AGBL1: variants seen among roughly 807,000 people sequenced by gnomAD.
AGBL1 encodes the protein cytosolic carboxypeptidase 4.
AGBL1 carries 130 observed loss-of-function variants against 118.9 expected under a neutral mutation model. That is an observed-to-expected ratio of 1.09 (90% CI 0.95 to 1.26). The LOEUF is 1.26. Among genes scored for constraint, AGBL1 ranks in the 50% most tolerant of loss-of-function variants. The probability of loss-of-function intolerance (pLI) is 0.00; values close to 1 mark genes in which losing one functional copy is unlikely to be tolerated. For missense variants in AGBL1, 1,584 were observed against 1,298.1 expected (o/e 1.22, Z -3.38); for synonymous variants, 555 against 478.9 (o/e 1.16, Z -2.08).
chr15:86,306,679 T>A (rs1488805644), intron 17 of AGBL1, among the ~76,000 whole-genome samples: 1 of 152,148 alleles, frequency 6.6e-6, no homozygotes. Context: ...TGAGTATATA[T>A]CCAGCAGTGG....
rs115431557 is a variant in AGBL1 at position 86,462,818 on chromosome 15, A to G, written c.2556-59992A>G. On this transcript the variant is annotated intron_variant, in intron 18 of 22. Coordinates refer to ENST00000614907, the MANE Select transcript of AGBL1 (RefSeq NM_001386094.1). Reference sequence around the variant, plus strand: ...CATGGTGTATATGCACCACATTTTCACATTTTCTTTATCCAGTCTAACATT... The same window carrying G: ...CATGGTGTATATGCACCACATTTTCGCATTTTCTTTATCCAGTCTAACATT... 5.9e-3 allele frequency among the ~76,000 whole-genome samples: 896 copies of G among 152,126 alleles called. 8 individuals are homozygous for G. Among genetic ancestry groups the G allele is most frequent in the African/African-American group, 0.02 (848 of 41,514 alleles).
At chr15:86,413,659 T>C (rs1157423786) in intron 18 of AGBL1, among the ~76,000 whole-genome samples, 1 of 152,148 alleles carries the variant, frequency 6.6e-6, no homozygotes, top group Non-Finnish European at 1.5e-5. Flanking sequence ...TTGTGGGACA[T>C]TTGTATATCT....
chr15:86,556,906 TC>T (rs1043031241), intron 21 of AGBL1, among the ~76,000 whole-genome samples: 1 of 152,124 alleles, frequency 6.6e-6, no homozygotes, highest in African/African-American at 2.4e-5. Context: ...CAATCATTTC[TC>T]CCCCAGCACA....
intron 22 of AGBL1, among the ~76,000 whole-genome samples, chr15:86,713,160 T>G (rs1447213300): frequency 6.6e-6 from 1 of 152,162 alleles, no homozygotes; most frequent in Non-Finnish European, 1.5e-5. Context: ...TTTCTCCTTT[T>G]CTTCCACTGA....
At chr15:86,714,885 G>C (rs1425801273) in intron 22 of AGBL1, among the ~76,000 whole-genome samples, 1 of 152,180 alleles carries the variant, frequency 6.6e-6, no homozygotes, top group East Asian at 1.9e-4. Context: ...ATGTCTCCCA[G>C]CAGGCATGCA....
In AGBL1 at chr15:86,267,049, A is replaced by G. The variant is rs2079086203; in HGVS notation, c.1811A>G (p.Asn604Ser). Reference protein sequence around the residue: ...LRFFSKFESGNLRKAIQVREF... With the variant: ...LRFFSKFESGSLRKAIQVREF... Reference sequence around the variant, plus strand: ...TTCTTCTCCAAATTTGAGTCAGGAAATCTTCGCAAAGCCATCCAAGTGCGT... The same window carrying G: ...TTCTTCTCCAAATTTGAGTCAGGAAGTCTTCGCAAAGCCATCCAAGTGCGT... Residue 604 changes from asparagine to serine, a missense_variant, in exon 13 of 23, where the codon AAT (asparagine) becomes AGT (serine). Physicochemically the swap from Asn to Ser is conservative, Grantham distance 46. Transcript: ENST00000614907. 3 of 1,567,302 alleles carry G rather than the reference A, an allele frequency of 1.9e-6. No homozygotes were observed. The highest frequency in any genetic ancestry group is 4.7e-5 in the East Asian group (2 of 42,682).
intron 18 of AGBL1, among the ~76,000 whole-genome samples, chr15:86,503,452 GTTTCT>G (rs2142163917): frequency 6.7e-6 from 1 of 150,098 alleles, no homozygotes; most frequent in African/African-American, 2.4e-5. Flanking sequence ...AATCTTTATT[GTTTCT>G]TTTCTTCTGC....
chr15:86,829,044 T>A (rs986965526), intron 22 of AGBL1, among the ~76,000 whole-genome samples: 2 of 151,258 alleles, frequency 1.3e-5, no homozygotes, highest in Non-Finnish European at 2.9e-5. Flanking sequence ...CTGGACCTAG[T>A]GAGTAGGAAA....
At chr15:86,946,836 C>G (rs12594751) in intron 23 of AGBL1, among the ~76,000 whole-genome samples, 1 of 118,196 alleles carries the variant, frequency 8.5e-6, no homozygotes, top group African/African-American at 3.7e-5. Context: ...GAGAGTGAAA[C>G]TCGGTCCAAA....
At chr15:86,158,893 C>A in intron 4 of AGBL1, 40 bp from the exon 5 acceptor site, 1 of 1,574,822 alleles carries the variant, frequency 6.3e-7, no homozygotes, top group Non-Finnish European at 8.7e-7. Flanking sequence ...CTTAACTCAT[C>A]CACTTGTGAC....
At chr15:86,787,802 C>T (rs1476579619) in intron 22 of AGBL1, among the ~76,000 whole-genome samples, 8 of 152,108 alleles carry the variant, frequency 5.3e-5, no homozygotes, top group Non-Finnish European at 1.0e-4. Context: ...CAATTACTAC[C>T]GAGTTTGTGG....
At chr15:86,104,957 C>T (rs1258115265) in intron 1 of AGBL1, 1 of 152,106 alleles carries the variant, frequency 6.6e-6, no homozygotes, top group Non-Finnish European at 1.5e-5. Flanking sequence ...CTGGGAGCCC[C>T]TTGCCTACCC....
At chr15:86,632,726 T>A (rs1364995593) in intron 21 of AGBL1, among the ~76,000 whole-genome samples, 1 of 151,922 alleles carries the variant, frequency 6.6e-6, no homozygotes, top group African/African-American at 2.4e-5. Flanking sequence ...AAGTAAGGGC[T>A]TCTGAGCAGG....
intron 18 of AGBL1, among the ~76,000 whole-genome samples, chr15:86,424,307 A>T (rs921027101): frequency 2.0e-5 from 3 of 152,218 alleles, no homozygotes; most frequent in Admixed American, 6.5e-5. Flanking sequence ...CTATTTAATA[A>T]ATGGCATTGA....
chr15:86,670,759 A>G (rs191149616), intron 21 of AGBL1, among the ~76,000 whole-genome samples: 2 of 151,942 alleles, frequency 1.3e-5, no homozygotes, highest in Admixed American at 6.5e-5. Context: ...TTTAAATGAA[A>G]TGGAACATTT....
At chr15:86,332,518 C>T (rs573426128) in intron 17 of AGBL1, among the ~76,000 whole-genome samples, 197 of 152,008 alleles carry the variant, frequency 1.3e-3, no homozygotes, top group Non-Finnish European at 1.6e-3. Context: ...TGGCAACAGG[C>T]GCCTGTAGTC....
chr15:86,904,624 TTTA>T (rs1256324782), intron 22 of AGBL1, among the ~76,000 whole-genome samples: 45 of 148,406 alleles, frequency 3.0e-4, no homozygotes, highest in African/African-American at 1.1e-3. Context: ...ATCTATTATA[TTTA>T]TTTTGTTATG....
At chr15:86,685,907 G>A (rs1021981009) in intron 22 of AGBL1, among the ~76,000 whole-genome samples, 4 of 151,988 alleles carry the variant, frequency 2.6e-5, no homozygotes, top group East Asian at 1.9e-4. Flanking sequence ...GTTCTTTACC[G>A]AAGAGCTGAC....
intron 19 of AGBL1, among the ~76,000 whole-genome samples, chr15:86,542,225 C>T (rs185291439): frequency 4.1e-4 from 63 of 152,222 alleles, no homozygotes; most frequent in African/African-American, 1.5e-3. Context: ...TGAGTTTATC[C>T]TGTTTATGAG....
Sources: allele counts gnomAD v4.1 joint callset (sites outside exome capture counted in the v4.1 genomes callset), GRCh38; gene constraint gnomAD v4.1.1; transcripts MANE v1.5; gene names NCBI Gene and HGNC (gene_info 2026-07-23, HGNC 2026-07-21).